Variants in DOCK3 observed in about 807,000 individuals in gnomAD.
DOCK3 encodes the protein dedicator of cytokinesis 3.
Under a neutral mutation model 265.6 loss-of-function variants are expected in DOCK3, and 60 were observed. The observed-to-expected ratio is 0.23, with a 90% CI of 0.18 to 0.28. DOCK3 has a LOEUF of 0.28. Among genes scored for constraint, DOCK3 ranks in the 10% least tolerant of loss-of-function variants. The pLI, the probability that DOCK3 is intolerant of heterozygous loss-of-function variation, is 1.00. For synonymous variants in DOCK3, 881 were observed against 938.0 expected, an observed-to-expected ratio of 0.94 and a Z score of 1.11; for missense variants, 1,981 against 2,594.3, an observed-to-expected ratio of 0.76 and a Z score of 5.14.
chr3:51,185,550 A>G (rs1253349555), intron 12 of DOCK3, among the ~76,000 whole-genome samples: 1 of 152,184 alleles, frequency 6.6e-6, no homozygotes, highest in East Asian at 1.9e-4. Flanking sequence ...TCTTGTTCTA[A>G]GATAGTAAAG....
chr3:50,889,231 G>A (rs972622832), intron 3 of DOCK3, among the ~76,000 whole-genome samples: 1 of 151,774 alleles, frequency 6.6e-6, no homozygotes, highest in Non-Finnish European at 1.5e-5. Context: ...CTACAGGTGT[G>A]CACCACCACA....
At chr3:50,777,229 A>G (rs937495787) in intron 1 of DOCK3, among the ~76,000 whole-genome samples, 2 of 152,010 alleles carry the variant, frequency 1.3e-5, no homozygotes, top group African/African-American at 4.8e-5. Context: ...ATGTTTTTGT[A>G]TGCTTTGTTG....
intron 10 of DOCK3, among the ~76,000 whole-genome samples, chr3:51,153,102 C>A (rs2085687392): frequency 6.6e-6 from 1 of 152,228 alleles, no homozygotes; most frequent in Admixed American, 6.5e-5. Flanking sequence ...GCCCTGCCCG[C>A]CTAGGTGGGG....
At chr3:50,781,155 T>C (rs530110979) in intron 2 of DOCK3, among the ~76,000 whole-genome samples, 1 of 151,780 alleles carries the variant, frequency 6.6e-6, no homozygotes, top group East Asian at 1.9e-4. Flanking sequence ...TCTGTTCCAT[T>C]GGATAAAATC....
Position 51,117,466 on chromosome 3 carries a change from A to G in DOCK3, c.746+27082A>G, listed in dbSNP as rs574213029. ...CCTGCCAGGTTTTGGTATAAGGGTG[A>G]TGCTGGCCTCATAAAATGAGTTAGG... On this transcript the variant is annotated intron_variant, in intron 9 of 52. Coordinates refer to ENST00000266037, the MANE Select transcript of DOCK3 (RefSeq NM_004947.5). 2.0e-5 allele frequency among the ~76,000 whole-genome samples: 3 copies of G among 152,262 alleles called. No individual in the cohort carries two copies. The East Asian group carries it at 5.8e-4, about 29-fold the overall frequency.
intron 5 of DOCK3, among the ~76,000 whole-genome samples, chr3:51,024,071 G>A (rs983312549): frequency 6.6e-6 from 1 of 152,012 alleles, no homozygotes; most frequent in African/African-American, 2.4e-5. Flanking sequence ...TACTTTAAGG[G>A]TCTGACTTCA....
At chr3:51,019,807 C>T (rs1444434331) in intron 5 of DOCK3, among the ~76,000 whole-genome samples, 2 of 151,868 alleles carry the variant, frequency 1.3e-5, no homozygotes, top group African/African-American at 4.9e-5. Context: ...AACATGATCT[C>T]GTTTCTTTTG....
intron 2 of DOCK3, among the ~76,000 whole-genome samples, chr3:50,789,200 A>G (rs1487579423): frequency 6.6e-6 from 1 of 152,162 alleles, no homozygotes; most frequent in African/African-American, 2.4e-5. Flanking sequence ...ATGCAGTTCA[A>G]ATAACTTTTA....
chr3:51,360,689 GGGT>G lies in DOCK3; in HGVS notation c.5006+58_5006+60del. 3 of 1,606,820 alleles carry G rather than the reference GGGT, an allele frequency of 1.9e-6. No individual in the cohort carries two copies. The Middle Eastern group carries it at 5.2e-4, about 281-fold the overall frequency. On this transcript the variant is annotated intron_variant, in intron 47 of 52. Transcript: ENST00000266037. Reference sequence around the variant, plus strand: ...TGGAGAGGTGAGTCTAAATTGTCAAGGGTCAGAGGAAAGAGTCCTCATGTATAC... The same window carrying G: ...TGGAGAGGTGAGTCTAAATTGTCAAGCAGAGGAAAGAGTCCTCATGTATAC...
At chr3:50,816,455 G>A (rs1268742141) in intron 2 of DOCK3, among the ~76,000 whole-genome samples, 1 of 151,380 alleles carries the variant, frequency 6.6e-6, no homozygotes, top group African/African-American at 2.4e-5. Context: ...CTGAGCAGCT[G>A]GGATTACAGG....
chr3:50,858,030 A>G (rs2046696804), intron 3 of DOCK3, among the ~76,000 whole-genome samples: 1 of 152,200 alleles, frequency 6.6e-6, no homozygotes, highest in African/African-American at 2.4e-5. Context: ...AACCAACCCA[A>G]ATGTCCATCA....
chr3:50,869,447 T>C (rs1163519803), intron 3 of DOCK3, among the ~76,000 whole-genome samples: 1 of 135,882 alleles, frequency 7.4e-6, no homozygotes, highest in Non-Finnish European at 1.5e-5. Flanking sequence ...CTCAGCTCAC[T>C]GCAACCTCTG....
At chr3:50,742,072 T>C (rs1046282334) in intron 1 of DOCK3, among the ~76,000 whole-genome samples, 1 of 152,328 alleles carries the variant, frequency 6.6e-6, no homozygotes, top group African/African-American at 2.4e-5. Context: ...ATAAATGTCT[T>C]CTCTTGAGAA....
chr3:51,356,302 G>A (rs371382591), intron 42 of DOCK3, 47 bp downstream of exon 42: 6 of 1,612,272 alleles, frequency 3.7e-6, no homozygotes, highest in Non-Finnish European at 5.1e-6. Flanking sequence ...AAGTCCAGGG[G>A]CAAGCTCAAC....
chr3:51,040,211 G>GTT, intron 5 of DOCK3, among the ~76,000 whole-genome samples: 1 of 146,418 alleles, frequency 6.8e-6, no homozygotes, highest in South Asian at 2.2e-4. Flanking sequence ...AAATGTGCCA[G>GTT]TTTTTTTTTT....
intron 2 of DOCK3, among the ~76,000 whole-genome samples, chr3:50,838,336 CTT>C (rs912097293): frequency 7.2e-5 from 11 of 152,160 alleles, no homozygotes; most frequent in Admixed American, 2.6e-4. Flanking sequence ...TCTTTATAAA[CTT>C]GAGTGTTGTA....
chr3:50,996,442 C>T (rs1197695551), intron 5 of DOCK3, among the ~76,000 whole-genome samples: 1 of 152,094 alleles, frequency 6.6e-6, no homozygotes, highest in Non-Finnish European at 1.5e-5. Flanking sequence ...TGATCTCAAT[C>T]TCCTAACCTT....
intron 8 of DOCK3, 34 bp from the exon 9 acceptor site, chr3:51,090,191 CTAAAA>C: frequency 6.6e-7 from 1 of 1,512,762 alleles, no homozygotes; most frequent in Admixed American, 2.4e-5. Context: ...TAAAAAATAA[CTAAAA>C]TAAAAATCAC....
intron 5 of DOCK3, among the ~76,000 whole-genome samples, chr3:51,056,313 A>G (rs1244849664): frequency 1.3e-5 from 2 of 152,194 alleles, no homozygotes; most frequent in East Asian, 3.8e-4. Context: ...CAGTGGCACA[A>G]TCTCGGCTCA....
Sources: gnomAD v4.1 joint callset for allele counts (sites outside exome capture counted in the v4.1 genomes callset) on GRCh38, gnomAD v4.1.1 for gene constraint, MANE v1.5 for transcripts, NCBI Gene and HGNC (gene_info 2026-07-23, HGNC 2026-07-21) for gene names.